The following CSMD1 variants were observed in gnomAD, a reference collection of about 807,000 sequenced individuals.
CSMD1 encodes CUB and Sushi multiple domains 1.
CSMD1 carries 213 observed loss-of-function variants against 417.5 expected under a neutral mutation model. The observed-to-expected ratio is 0.51, with a 90% CI of 0.46 to 0.57. The LOEUF (loss-of-function observed/expected upper bound fraction) is 0.57, where lower values mean the gene tolerates loss of function less well. Ranked by LOEUF, CSMD1 falls within the 20% of genes least tolerant of loss-of-function variation. The pLI, the probability that CSMD1 is intolerant of heterozygous loss-of-function variation, is 0.00. For synonymous variants in CSMD1, 2,862 were observed against 1,736.8 expected, an observed-to-expected ratio of 1.65 and a Z score of -16.11; for missense variants, 6,923 against 4,529.7, an observed-to-expected ratio of 1.53 and a Z score of -15.17.
At chr8:4,667,091 C>T (rs1287231580) in intron 1 of CSMD1, among the ~76,000 whole-genome samples, 2 of 152,078 alleles carry the variant, frequency 1.3e-5, no homozygotes, top group Non-Finnish European at 2.9e-5. Context: ...ATTACAGAAT[C>T]CTTTGGTGAA....
chr8:3,137,536 T>A (rs1310255281), intron 41 of CSMD1, among the ~76,000 whole-genome samples: 1 of 152,216 alleles, frequency 6.6e-6, no homozygotes, highest in African/African-American at 2.4e-5. Flanking sequence ...CAGTAAGGCA[T>A]CCTTTAAACA....
intron 1 of CSMD1, among the ~76,000 whole-genome samples, chr8:4,979,881 C>CA (rs1554539442): frequency 1.3e-5 from 2 of 151,820 alleles, no homozygotes; most frequent in East Asian, 1.9e-4. Flanking sequence ...ACTAAAAATA[C>CA]AAAAAAATTA....
chr8:3,271,096 A>G lies in CSMD1; in HGVS notation c.4153+13048T>C, dbSNP rs866861781. Among the ~76,000 whole-genome samples, 30 of 97,720 alleles carry G rather than the reference A, an allele frequency of 3.1e-4. 1 individual carries two copies. Among genetic ancestry groups the G allele is most frequent in the African/African-American group, 9.0e-4 (22 of 24,418 alleles). The allele number at this position is 97,720 out of a possible 152,430, so 64.1% of individuals were successfully genotyped here. On this transcript the variant is annotated intron_variant, in intron 26 of 69. Coordinates refer to ENST00000635120, the MANE Select transcript of CSMD1 (RefSeq NM_033225.6). ...TTCCCCCCTCCCCCCACCCCACAAC[A>G]GTCCCCAGAGTGTGATGTTCCCCTT...
chr8:4,943,498 A>AAAT (rs1402318136), intron 1 of CSMD1, among the ~76,000 whole-genome samples: 2 of 44,634 alleles, frequency 4.5e-5, no homozygotes, highest in East Asian at 4.1e-3. Flanking sequence ...ACCGTCTCAA[A>AAAT]AAAATAAAAT....
chr8:3,844,833 G>C (rs953216498), intron 5 of CSMD1, among the ~76,000 whole-genome samples: 2 of 151,854 alleles, frequency 1.3e-5, no homozygotes, highest in Admixed American at 6.6e-5. Flanking sequence ...TTTTGTTTTT[G>C]TCTTTTGAAG....
chr8:2,970,985 T>A (rs1804408685), intron 57 of CSMD1, among the ~76,000 whole-genome samples: 1 of 152,186 alleles, frequency 6.6e-6, no homozygotes, highest in Non-Finnish European at 1.5e-5. Flanking sequence ...TCACTTTTTC[T>A]CCCTCTGTCT....
intron 2 of CSMD1, among the ~76,000 whole-genome samples, chr8:4,548,536 T>G (rs1275553889): frequency 6.6e-6 from 1 of 152,164 alleles, no homozygotes; most frequent in Non-Finnish European, 1.5e-5. Flanking sequence ...TGAATGCCTT[T>G]CATGTCACAC....
chr8:4,358,830 T>C (rs1361490392), intron 3 of CSMD1, among the ~76,000 whole-genome samples: 1 of 152,164 alleles, frequency 6.6e-6, no homozygotes. Flanking sequence ...TAAGAGTGCC[T>C]TGGTTTCAGT....
chr8:3,819,742 C>G (rs896174943), intron 5 of CSMD1, among the ~76,000 whole-genome samples: 2 of 152,046 alleles, frequency 1.3e-5, no homozygotes, highest in Non-Finnish European at 2.9e-5. Context: ...ACATGTGGTA[C>G]CATGATCAGC....
chr8:3,487,238 G>A (rs959193634), intron 11 of CSMD1, among the ~76,000 whole-genome samples: 1 of 152,014 alleles, frequency 6.6e-6, no homozygotes, highest in African/African-American at 2.4e-5. Context: ...GTCTAGCTCT[G>A]TCTCCCAGGC....
chr8:4,040,969 T>C (rs1199742540), intron 3 of CSMD1, among the ~76,000 whole-genome samples: 1 of 151,994 alleles, frequency 6.6e-6, no homozygotes, highest in African/African-American at 2.4e-5. Flanking sequence ...ACTTCACTAG[T>C]GAATCCTCAC....
intron 23 of CSMD1, among the ~76,000 whole-genome samples, chr8:3,312,783 G>T (rs1293454851): frequency 6.9e-6 from 1 of 145,158 alleles, no homozygotes. Context: ...TAGCATGTCA[G>T]CATCTCTCAG....
chr8:4,651,711 A>G lies in CSMD1; in HGVS notation c.86-14153T>C, dbSNP rs543015396. 9.2e-5 allele frequency among the ~76,000 whole-genome samples: 14 copies of G among 152,302 alleles called. No individual in the cohort carries two copies. In the South Asian group the frequency reaches 2.7e-3, roughly 29 times the overall value. On this transcript the variant is annotated intron_variant, in intron 1 of 69. Coordinates refer to ENST00000635120, the MANE Select transcript of CSMD1 (RefSeq NM_033225.6). ...ATTCTGTCATTATTATTTCAACATG[A>G]CACTCTAATTCACACGTCTTTAGAT...
intron 3 of CSMD1, among the ~76,000 whole-genome samples, chr8:4,228,589 C>CTTTTTTT (rs201365918): frequency 7.2e-6 from 1 of 138,378 alleles, no homozygotes; most frequent in Non-Finnish European, 1.5e-5. Flanking sequence ...TCTGTCAGAT[C>CTTTTTTT]TTTTTTTTTT....
chr8:2,989,935 G>A (rs627327), intron 54 of CSMD1, among the ~76,000 whole-genome samples: 9,275 of 152,172 alleles, frequency 0.061, 556 homozygotes, highest in African/African-American at 0.16. Flanking sequence ...TATTGATGGT[G>A]TCTAGCACAT....
At chr8:3,953,530 C>T (rs1022684408) in intron 5 of CSMD1, among the ~76,000 whole-genome samples, 27 of 152,032 alleles carry the variant, frequency 1.8e-4, no homozygotes, top group Non-Finnish European at 3.2e-4. Flanking sequence ...TGACATTGCC[C>T]TGAGTGGAGT....
At chr8:4,519,733 A>T (rs1445254512) in intron 2 of CSMD1, among the ~76,000 whole-genome samples, 1 of 106,284 alleles carries the variant, frequency 9.4e-6, no homozygotes, top group Non-Finnish European at 1.8e-5. Context: ...GCAGAGTCAG[A>T]CTTCATCTCA....
intron 2 of CSMD1, among the ~76,000 whole-genome samples, chr8:4,614,463 G>C (rs899773673): frequency 2.0e-5 from 3 of 152,138 alleles, no homozygotes; most frequent in African/African-American, 7.2e-5. Flanking sequence ...TTGGGCCTTA[G>C]TAAATTATGT....
At chr8:4,603,041 A>G (rs1800679943) in intron 2 of CSMD1, among the ~76,000 whole-genome samples, 1 of 152,128 alleles carries the variant, frequency 6.6e-6, no homozygotes, top group South Asian at 2.1e-4. Flanking sequence ...CTGAAATTCT[A>G]AAAATGAACT....
Sources: gnomAD v4.1 joint callset for allele counts (sites outside exome capture counted in the v4.1 genomes callset) on GRCh38, gnomAD v4.1.1 for gene constraint, MANE v1.5 for transcripts, NCBI Gene and HGNC (gene_info 2026-07-23, HGNC 2026-07-21) for gene names.